SERGEF: variants seen among roughly 807,000 people sequenced by gnomAD.
SERGEF encodes secretion-regulating guanine nucleotide exchange factor.
A neutral mutation model predicts 50.0 loss-of-function variants in SERGEF; 51 were observed. The observed-to-expected ratio is 1.02, with a 90% CI of 0.81 to 1.29. SERGEF has a LOEUF of 1.29. Ranked by LOEUF, SERGEF falls within the 50% of genes most tolerant of loss-of-function variation. The pLI, the probability that SERGEF is intolerant of heterozygous loss-of-function variation, is 0.00. For synonymous variants in SERGEF, 205 were observed against 212.4 expected (o/e 0.97, Z 0.30); for missense variants, 521 against 557.0 (o/e 0.94, Z 0.65).
intron 10 of SERGEF, among the ~76,000 whole-genome samples, chr11:17,807,790 G>A (rs1189057114): frequency 6.6e-6 from 1 of 152,196 alleles, no homozygotes; most frequent in Non-Finnish European, 1.5e-5. Flanking sequence ...ATGGAAGCAA[G>A]GGCCTGGTAA....
chr11:17,998,332 G>A (rs773147281), intron 5 of SERGEF, among the ~76,000 whole-genome samples: 4 of 151,084 alleles, frequency 2.6e-5, no homozygotes, highest in Admixed American at 1.3e-4. Context: ...CTAGAGGATC[G>A]CTTGAGCCCA....
Position 17,938,144 on chromosome 11 carries a change from T to C in SERGEF, c.1011+21326A>G, listed in dbSNP as rs1852491484. ...TACTGGTTCTAGGACACTGTGCTCA[T>C]GGACTTCTCTGAGGACCTAAAGTGG... On this transcript the variant is annotated intron_variant, in intron 9 of 10. Transcript: ENST00000265965. 3.3e-5 allele frequency among the ~76,000 whole-genome samples: 5 copies of C among 152,322 alleles called. No individual in the cohort carries two copies. The South Asian group carries it at 1.0e-3, about 32-fold the overall frequency.
intron 8 of SERGEF, among the ~76,000 whole-genome samples, chr11:17,971,181 G>A (rs759539003): frequency 4.8e-4 from 73 of 152,174 alleles, no homozygotes; most frequent in Non-Finnish European, 8.2e-4. Flanking sequence ...GCGACGCAGC[G>A]AGACTCCATC....
chr11:17,875,241 T>C (rs900575707), intron 10 of SERGEF, among the ~76,000 whole-genome samples: 1 of 152,222 alleles, frequency 6.6e-6, no homozygotes, highest in Non-Finnish European at 1.5e-5. Context: ...CTACTATTTA[T>C]TGCTGTAACC....
At chr11:18,007,859 G>A (rs781771807) in intron 2 of SERGEF, 82 bp downstream of exon 2, 24 of 1,355,312 alleles carry the variant, frequency 1.8e-5, no homozygotes, top group Non-Finnish European at 9.1e-6. Context: ...AAATACAAAA[G>A]GCTGAAAGAT....
intron 9 of SERGEF, among the ~76,000 whole-genome samples, chr11:17,932,766 G>T (rs954840919): frequency 6.6e-6 from 1 of 152,090 alleles, no homozygotes; most frequent in Non-Finnish European, 1.5e-5. Flanking sequence ...ATAGAGATGC[G>T]GAACAAATGG....
intron 9 of SERGEF, among the ~76,000 whole-genome samples, chr11:17,918,443 A>G (rs1412437477): frequency 6.6e-6 from 1 of 152,088 alleles, no homozygotes; most frequent in African/African-American, 2.4e-5. Context: ...ATATCAACAT[A>G]AGAAAAAGCA....
At chr11:18,010,292 A>G (rs573349749) in intron 1 of SERGEF, 19 of 274,580 alleles carry the variant, frequency 6.9e-5, no homozygotes, top group African/African-American at 2.0e-4. Flanking sequence ...TAGCAGGGGC[A>G]TAAGTCCCAG....
chr11:17,841,390 G>A (rs1850499386), intron 10 of SERGEF, among the ~76,000 whole-genome samples: 1 of 152,204 alleles, frequency 6.6e-6, no homozygotes, highest in Non-Finnish European at 1.5e-5. Flanking sequence ...TGGGGCTTAT[G>A]CTTCACATCT....
chr11:17,847,693 CCAAT>C (rs903396444), intron 10 of SERGEF, among the ~76,000 whole-genome samples: 2 of 152,122 alleles, frequency 1.3e-5, no homozygotes, highest in African/African-American at 4.8e-5. Flanking sequence ...GGACAGAAGG[CCAAT>C]CAAAGAATTA....
At chr11:17,924,314 A>G (rs1388361628) in intron 9 of SERGEF, among the ~76,000 whole-genome samples, 1 of 152,218 alleles carries the variant, frequency 6.6e-6, no homozygotes, top group African/African-American at 2.4e-5. Context: ...AGGAGGTAAC[A>G]CTTGAACTAA....
At chr11:17,989,467 T>C (rs1853667033) in intron 7 of SERGEF, among the ~76,000 whole-genome samples, 1 of 152,242 alleles carries the variant, frequency 6.6e-6, no homozygotes, top group Non-Finnish European at 1.5e-5. Context: ...GCTGTTGGTC[T>C]AGAAGGGCAG....
chr11:18,003,225 A>G (rs1854001064), intron 4 of SERGEF, among the ~76,000 whole-genome samples: 1 of 152,236 alleles, frequency 6.6e-6, no homozygotes, highest in African/African-American at 2.4e-5. Context: ...TCGGAGTGGG[A>G]CAGCTTAGGT....
chr11:17,861,872 T>C (rs1265427866), intron 10 of SERGEF, among the ~76,000 whole-genome samples: 1 of 152,214 alleles, frequency 6.6e-6, no homozygotes, highest in African/African-American at 2.4e-5. Context: ...AAGCAAAAAC[T>C]TACCAAATTA....
At chr11:18,009,485 A>G (rs1854153164) in intron 1 of SERGEF, among the ~76,000 whole-genome samples, 1 of 152,188 alleles carries the variant, frequency 6.6e-6, no homozygotes. Flanking sequence ...TCCTGGAATT[A>G]GTTCTTGTTT....
intron 9 of SERGEF, among the ~76,000 whole-genome samples, chr11:17,926,219 A>G (rs985832069): frequency 2.0e-5 from 3 of 151,908 alleles, no homozygotes; most frequent in Non-Finnish European, 2.9e-5. Context: ...CCATCAGGAG[A>G]TATCTAACGA....
intron 2 of SERGEF, among the ~76,000 whole-genome samples, chr11:18,007,317 G>A (rs182905924): frequency 1.1e-4 from 16 of 152,206 alleles, no homozygotes; most frequent in South Asian, 2.1e-4. Flanking sequence ...CATGACAGTC[G>A]GAATGGAGCC....
chr11:17,803,071 C>T (rs1223373484), intron 10 of SERGEF, among the ~76,000 whole-genome samples: 3 of 152,226 alleles, frequency 2.0e-5, no homozygotes, highest in African/African-American at 7.2e-5. Flanking sequence ...GAGGGGAACC[C>T]AAATCAAAGT....
intron 8 of SERGEF, among the ~76,000 whole-genome samples, chr11:17,971,779 G>T (rs1243972961): frequency 6.6e-6 from 1 of 152,164 alleles, no homozygotes; most frequent in East Asian, 1.9e-4. Context: ...TAAAGCTATA[G>T]CTGCCATAGA....
Sources: gnomAD v4.1 joint callset for allele counts (sites outside exome capture counted in the v4.1 genomes callset) on GRCh38, gnomAD v4.1.1 for gene constraint, MANE v1.5 for transcripts, NCBI Gene and HGNC (gene_info 2026-07-23, HGNC 2026-07-21) for gene names.